Variants in BCAS3 observed in about 807,000 individuals in gnomAD.
BCAS3 encodes the protein BCAS3 microtubule associated cell migration factor, also known as BCAS4/BCAS3 fusion.
Under a neutral mutation model 116.1 loss-of-function variants are expected in BCAS3, and 53 were observed. The ratio of observed to expected loss-of-function variants is 0.46; its 90% CI spans 0.37 to 0.57. The LOEUF is 0.57. Ranked by LOEUF, BCAS3 falls within the 20% of genes least tolerant of loss-of-function variation. The probability of loss-of-function intolerance (pLI) is 0.00; values close to 1 mark genes in which losing one functional copy is unlikely to be tolerated. For synonymous variants in BCAS3, 391 were observed against 408.2 expected (o/e 0.96, Z 0.51); for missense variants, 917 against 1,165.4 (o/e 0.79, Z 3.10).
At chr17:60,692,665 C>T (rs1025973308) in intron 4 of BCAS3, among the ~76,000 whole-genome samples, 7 of 150,604 alleles carry the variant, frequency 4.6e-5, no homozygotes, top group South Asian at 4.2e-4. Flanking sequence ...ACCCAGGAGG[C>T]GGAGGTTGTA....
At position 61,217,788 on chromosome 17, in the gene BCAS3, C is replaced by T. The variant is rs2081888237; in HGVS notation, c.2425+133224C>T. Among the ~76,000 whole-genome samples the T allele has an allele frequency of 6.6e-6, 1 of 152,086 alleles. No individual in the cohort carries two copies. The highest frequency in any genetic ancestry group is 6.6e-5 in the Admixed American group (1 of 15,258). On this transcript the variant is annotated intron_variant, in intron 22 of 23. Transcript: ENST00000407086. The surrounding 1 kb of genome is among the most constrained non-coding windows in gnomAD (Gnocchi z 5.2). The stretch of plus-strand genomic sequence containing the variant: ...TTCTACTCCTCTAAGCCTTTTTTCC[C>T]CTCCCTTATTAAAAGTAATTTTTTA...
chr17:60,841,213 G>A (rs185109796), intron 7 of BCAS3, among the ~76,000 whole-genome samples: 3 of 152,080 alleles, frequency 2.0e-5, no homozygotes, highest in Admixed American at 6.5e-5. Flanking sequence ...AATGGCAGAA[G>A]GACTGAAACT....
intron 22 of BCAS3, among the ~76,000 whole-genome samples, chr17:61,182,798 T>A (rs944525564): frequency 1.3e-5 from 2 of 152,252 alleles, no homozygotes; most frequent in Non-Finnish European, 2.9e-5. Context: ...CTAATGTTTT[T>A]GAGACTCATC....
Position 61,130,308 on chromosome 17 carries a change from A to G in BCAS3, c.2425+45744A>G, listed in dbSNP as rs939907875. On this transcript the variant is annotated intron_variant, in intron 22 of 23. Transcript: ENST00000407086. This position sits in a 1 kb window ranked among gnomAD's most constrained non-coding sequence, Gnocchi z 5.0. ...AGAGCACCATAGAAACTGGCAAAAT[A>G]TCTTCCCAATTAATTATGAGAAATT... 2.0e-5 allele frequency among the ~76,000 whole-genome samples: 3 copies of G among 152,168 alleles called. No individual in the cohort carries two copies. The highest frequency in any genetic ancestry group is 7.2e-5 in the African/African-American group (3 of 41,450).
At chr17:60,896,339 T>G (rs1401812703) in intron 10 of BCAS3, among the ~76,000 whole-genome samples, 1 of 152,144 alleles carries the variant, frequency 6.6e-6, no homozygotes, top group Non-Finnish European at 1.5e-5. Context: ...ATAAATAAAG[T>G]CCAGTTTAAA....
At chr17:60,850,348 T>G (rs1172253871) in intron 7 of BCAS3, among the ~76,000 whole-genome samples, 1 of 120,160 alleles carries the variant, frequency 8.3e-6, no homozygotes, top group Non-Finnish European at 1.6e-5. Flanking sequence ...CACCACTGTT[T>G]TTTTTTTTTT....
At chr17:61,135,628 CCT>C (rs1051954862) in intron 22 of BCAS3, among the ~76,000 whole-genome samples, 1 of 152,160 alleles carries the variant, frequency 6.6e-6, no homozygotes, top group African/African-American at 2.4e-5. Context: ...ACTGCCACCC[CCT>C]GTCTATATGC....
At chr17:60,696,337 T>TAGTC (rs1905147572) in intron 4 of BCAS3, 1 of 152,368 alleles carries the variant, frequency 6.6e-6, no homozygotes, top group African/African-American at 2.4e-5. Context: ...CATGCACCTG[T>TAGTC]AGTCCCAGCT....
At chr17:61,370,324 A>G (rs2058981990) in intron 23 of BCAS3, among the ~76,000 whole-genome samples, 1 of 152,036 alleles carries the variant, frequency 6.6e-6, no homozygotes, top group Non-Finnish European at 1.5e-5. Flanking sequence ...CTGTCACCAA[A>G]AGGAATTTAG....
In BCAS3 at chr17:61,348,944, G is replaced by C. The variant is rs958304011; in HGVS notation, c.2426-19383G>C. ...ACTTTTTGTATTTTTGGTAGAGATG[G>C]GGTTTCACCGTGTTAGCCAGGATGG... On this transcript the variant is annotated intron_variant, in intron 22 of 23. Transcript: ENST00000407086. The surrounding 1 kb of genome is among the most constrained non-coding windows in gnomAD (Gnocchi z 4.5). Among the ~76,000 whole-genome samples, 3 of 151,846 alleles carry C rather than the reference G, an allele frequency of 2.0e-5. No homozygotes were observed. Among genetic ancestry groups the C allele is most frequent in the Admixed American group, 1.3e-4 (2 of 15,228 alleles).
Position 60,780,205 on chromosome 17 carries a change from G to T in BCAS3, c.404-27799G>T, listed in dbSNP as rs192164918. On this transcript the variant is annotated intron_variant, in intron 6 of 23. Coordinates refer to ENST00000407086, the MANE Select transcript of BCAS3 (RefSeq NM_017679.5). ...AGGTTTCACTATATTGGCCAAGCTG[G>T]TCTCAAACTCCTGACCTTGTGATCT... 3.8e-3 allele frequency among the ~76,000 whole-genome samples: 570 copies of T among 151,222 alleles called. 9 individuals are homozygous for T. The highest frequency in any genetic ancestry group is 0.013 in the African/African-American group (534 of 41,194).
chr17:60,743,171 C>T (rs28648434), intron 5 of BCAS3, among the ~76,000 whole-genome samples: 2,519 of 149,942 alleles, frequency 0.017, 70 homozygotes, highest in African/African-American at 0.059. Flanking sequence ...TATAGCAATA[C>T]ATATAAAACT....
Position 61,077,324 on chromosome 17 carries a change from T to C in BCAS3, c.2131-1009T>C, listed in dbSNP as rs1281482034. Among the ~76,000 whole-genome samples, 1 of 152,092 alleles carries C rather than the reference T, an allele frequency of 6.6e-6. No individual in the cohort carries two copies. The highest frequency in any genetic ancestry group is 1.5e-5 in the Non-Finnish European group (1 of 68,008). ...CCAGGTCAGGAGACCAAGACCATCC[T>C]GGCTAACACGGTGAAACCCCGTCTC... On this transcript the variant is annotated intron_variant, in intron 20 of 23. Coordinates refer to ENST00000407086, the MANE Select transcript of BCAS3 (RefSeq NM_017679.5). This position sits in a 1 kb window ranked among gnomAD's most constrained non-coding sequence, Gnocchi z 4.3.
In BCAS3 at chr17:61,249,239, A is replaced by G. The variant is rs1015605810; in HGVS notation, c.2426-119088A>G. On this transcript the variant is annotated intron_variant, in intron 22 of 23. Transcript: ENST00000407086. The surrounding 1 kb of genome is among the most constrained non-coding windows in gnomAD (Gnocchi z 6.2). Reference sequence around the variant, plus strand: ...GAGGCAGAGGCTGCAGTGAGCCGAGATCACACCACTGCACTCCAGCCTGGG... The same window carrying G: ...GAGGCAGAGGCTGCAGTGAGCCGAGGTCACACCACTGCACTCCAGCCTGGG... 3.3e-5 allele frequency among the ~76,000 whole-genome samples: 5 copies of G among 151,942 alleles called. No homozygotes were observed. Among genetic ancestry groups the G allele is most frequent in the Admixed American group, 6.6e-5 (1 of 15,248 alleles).
chr17:61,019,084 A>G lies in BCAS3; in HGVS notation c.1637+3183A>G, dbSNP rs2065694662. Among the ~76,000 whole-genome samples, 2 of 152,240 alleles carry G rather than the reference A, an allele frequency of 1.3e-5. No individual in the cohort carries two copies. Among genetic ancestry groups the G allele is most frequent in the South Asian group, 2.1e-4 (1 of 4,816 alleles). ...AATATCTTTAAGCCAGAGGTCCCCA[A>G]CCCCTGGGCCACAGACTGGTGCTAG... is the stretch of plus-strand genomic sequence containing the variant. On this transcript the variant is annotated intron_variant, in intron 16 of 23. Transcript: ENST00000407086. The surrounding 1 kb of genome is among the most constrained non-coding windows in gnomAD (Gnocchi z 5.6).
intron 22 of BCAS3, among the ~76,000 whole-genome samples, chr17:61,129,821 G>A (rs1362748842): frequency 6.6e-6 from 1 of 152,146 alleles, no homozygotes; most frequent in Non-Finnish European, 1.5e-5. Context: ...CTTCTATTGA[G>A]CTACTCTTCA....
chr17:60,921,339 T>A (rs765389707), intron 12 of BCAS3, among the ~76,000 whole-genome samples: 1 of 152,118 alleles, frequency 6.6e-6, no homozygotes, highest in Admixed American at 6.6e-5. Flanking sequence ...TTCTCACTTA[T>A]AAGTGGGAGC....
In BCAS3 at chr17:61,012,081, A is replaced by G. The variant is rs563993641; in HGVS notation, c.1487-3670A>G. Reference sequence around the variant, plus strand: ...TTAAGTTGTCCTTTAAAACAATAATAAAAGTGACTCCTTACTTTTTGTTCC... The same window carrying G: ...TTAAGTTGTCCTTTAAAACAATAATGAAAGTGACTCCTTACTTTTTGTTCC... On this transcript the variant is annotated intron_variant, in intron 15 of 23. Coordinates refer to ENST00000407086, the MANE Select transcript of BCAS3 (RefSeq NM_017679.5). The surrounding 1 kb of genome is among the most constrained non-coding windows in gnomAD (Gnocchi z 4.5). Among the ~76,000 whole-genome samples the G allele has an allele frequency of 6.6e-6, 1 of 152,208 alleles. No individual in the cohort carries two copies. The highest frequency in any genetic ancestry group is 2.1e-4 in the South Asian group (1 of 4,826).
chr17:60,982,027 G>A (rs1234807920), intron 14 of BCAS3, among the ~76,000 whole-genome samples: 1 of 152,082 alleles, frequency 6.6e-6, no homozygotes, highest in Non-Finnish European at 1.5e-5. Context: ...ATGCACAAAT[G>A]TGTATATGTA....
Sources: gnomAD v4.1 joint callset for allele counts (sites outside exome capture counted in the v4.1 genomes callset) on GRCh38, gnomAD v4.1.1 for gene constraint, Gnocchi (gnomAD v3.1) non-coding constraint, MANE v1.5 for transcripts, NCBI Gene and HGNC (gene_info 2026-07-23, HGNC 2026-07-21) for gene names.